EIPR1: variants seen among roughly 807,000 people sequenced by gnomAD.
EIPR1 encodes EARP complex and GARP complex interacting protein 1, also known as EARP and GARP complex-interacting protein 1.
EIPR1 carries 25 observed loss-of-function variants against 48.1 expected under a neutral mutation model. That is an observed-to-expected ratio of 0.52 (90% CI 0.38 to 0.73). The LOEUF is 0.73. EIPR1 is among the 30% of genes least tolerant of loss of function. The pLI, the probability that EIPR1 is intolerant of heterozygous loss-of-function variation, is 0.00. For missense variants in EIPR1, 415 were observed against 506.2 expected (o/e 0.82, Z 1.73); for synonymous variants, 204 against 201.9 (o/e 1.01, Z -0.09).
rs192166808 is a variant in EIPR1 at position 3,349,748 on chromosome 2, C to T, written c.126+4802G>A. 1.6e-4 allele frequency among the ~76,000 whole-genome samples: 25 copies of T among 152,168 alleles called. No individual in the cohort carries two copies. In the East Asian group the frequency reaches 2.1e-3, roughly 13 times the overall value. ...TGGGGACAGGGAGGATGCTGCAAGA[C>T]AGGGCCAGAAAGCACACTGCAAGAT... On this transcript the variant is annotated intron_variant, in intron 2 of 8. Coordinates refer to ENST00000382125, the MANE Select transcript of EIPR1 (RefSeq NM_003310.5).
intron 3 of EIPR1, among the ~76,000 whole-genome samples, chr2:3,306,769 T>A (rs1240438782): frequency 6.6e-6 from 1 of 152,112 alleles, no homozygotes; most frequent in African/African-American, 2.4e-5. Context: ...AGAGGAGGTG[T>A]TGGTCTTGCT....
At chr2:3,220,864 G>A (rs1423873531) in intron 4 of EIPR1, among the ~76,000 whole-genome samples, 10 of 147,040 alleles carry the variant, frequency 6.8e-5, no homozygotes, top group African/African-American at 2.5e-4. Context: ...GTACGCAATG[G>A]CCGAGGTACA....
intron 2 of EIPR1, chr2:3,353,470 G>A: frequency 2.8e-6 from 1 of 358,564 alleles, no homozygotes; most frequent in Non-Finnish European, 5.5e-6. Flanking sequence ...AGTGTAATAA[G>A]GGAATACTAT....
chr2:3,191,343 G>C (rs920503870), intron 8 of EIPR1, among the ~76,000 whole-genome samples: 3 of 150,746 alleles, frequency 2.0e-5, no homozygotes, highest in African/African-American at 7.3e-5. Flanking sequence ...TGGGCCCATC[G>C]CCACTGCAGA....
intron 3 of EIPR1, among the ~76,000 whole-genome samples, chr2:3,284,959 G>A (rs1189358896): frequency 1.3e-5 from 2 of 152,170 alleles, no homozygotes; most frequent in Non-Finnish European, 2.9e-5. Flanking sequence ...CAAGAAAGAA[G>A]AACAGACGTG....
chr2:3,220,644 G>A (rs1045074960), intron 4 of EIPR1, among the ~76,000 whole-genome samples: 2 of 150,424 alleles, frequency 1.3e-5, no homozygotes, highest in Admixed American at 6.6e-5. Context: ...GCACACACGC[G>A]ATTACCATGG....
In EIPR1 at chr2:3,324,389, GT is replaced by G. The variant is rs1246059064; in HGVS notation, c.259+13627del. 5.9e-3 allele frequency among the ~76,000 whole-genome samples: 897 copies of G among 152,342 alleles called. 14 individuals carry two copies. The highest frequency in any genetic ancestry group is 0.021 in the African/African-American group (867 of 41,588). ...TGGCTTTCCCAGCTCCTCCCGGGCA[GT>G]GGCCCAGTGCTTAGACAGTGTCGCT... On this transcript the variant is annotated intron_variant, in intron 3 of 8. Coordinates refer to ENST00000382125, the MANE Select transcript of EIPR1 (RefSeq NM_003310.5).
chr2:3,266,178 A>G (rs1031276639), intron 3 of EIPR1, among the ~76,000 whole-genome samples: 1 of 152,258 alleles, frequency 6.6e-6, no homozygotes, highest in Non-Finnish European at 1.5e-5. Context: ...AGCTCCAGTC[A>G]GCCCGGCTAA....
intron 2 of EIPR1, among the ~76,000 whole-genome samples, chr2:3,341,873 G>A (rs1399657554): frequency 6.6e-6 from 1 of 152,088 alleles, no homozygotes; most frequent in African/African-American, 2.4e-5. Context: ...ATAAAAACTA[G>A]TAACAAATAC....
intron 3 of EIPR1, among the ~76,000 whole-genome samples, chr2:3,287,296 A>G (rs1474511080): frequency 1.2e-5 from 1 of 81,804 alleles, no homozygotes; most frequent in Non-Finnish European, 2.8e-5. Context: ...AAGCTCGTTC[A>G]CCACACTCCA....
chr2:3,300,721 G>C (rs1668739369), intron 3 of EIPR1: 1 of 152,184 alleles, frequency 6.6e-6, no homozygotes, highest in African/African-American at 2.4e-5. Flanking sequence ...GATGATGCTG[G>C]GAAGTCCCGA....
chr2:3,375,711 A>C (rs1421224940), intron 1 of EIPR1, among the ~76,000 whole-genome samples: 4 of 152,234 alleles, frequency 2.6e-5, no homozygotes, highest in Non-Finnish European at 4.4e-5. Context: ...TTACTAGTTA[A>C]GTGGCCTTGG....
At chr2:3,278,380 C>T (rs904217077) in intron 3 of EIPR1, among the ~76,000 whole-genome samples, 2 of 152,222 alleles carry the variant, frequency 1.3e-5, no homozygotes, top group African/African-American at 4.8e-5. Context: ...TACCACTTCT[C>T]TGCAGGAGCC....
rs561899569 is a variant in EIPR1, at chr2:3,218,240, T to A, written c.417-3992A>T. Among the ~76,000 whole-genome samples, 312 of 141,834 alleles carry A rather than the reference T, an allele frequency of 2.2e-3. 13 individuals are homozygous for A. The highest frequency in any genetic ancestry group is 3.0e-3 in the Non-Finnish European group (199 of 65,436). The allele number at this position is 141,834 out of a possible 152,430, so 93.0% of individuals were successfully genotyped here. A position where few individuals can be genotyped will look rare whatever the true frequency, so the allele number is the denominator to read the frequency against. ...GTCAGGTGCACACTCAACACGACCCTGATATGCTCTAGAGCGTTCACAGTG... is the reference window on the plus strand; with the variant it reads ...GTCAGGTGCACACTCAACACGACCCAGATATGCTCTAGAGCGTTCACAGTG... On this transcript the variant is annotated intron_variant, in intron 4 of 8. Coordinates refer to ENST00000382125, the MANE Select transcript of EIPR1 (RefSeq NM_003310.5).
At chr2:3,195,577 T>C (rs1335482058) in intron 6 of EIPR1, among the ~76,000 whole-genome samples, 1 of 152,206 alleles carries the variant, frequency 6.6e-6, no homozygotes, top group African/African-American at 2.4e-5. Context: ...TTTTAAATCT[T>C]TCAAGGGAAA....
chr2:3,296,702 A>G (rs1380651081), intron 3 of EIPR1, among the ~76,000 whole-genome samples: 1 of 149,320 alleles, frequency 6.7e-6, no homozygotes, highest in East Asian at 2.0e-4. Flanking sequence ...CTCTGCCTAC[A>G]GAATCCATCC....
At position 3,240,542 on chromosome 2, in the gene EIPR1, A is replaced by C. The variant is rs1666575639; in HGVS notation, c.416+16757T>G. Among the ~76,000 whole-genome samples, 8 of 149,712 alleles carry C rather than the reference A, an allele frequency of 5.3e-5. No homozygotes were observed. In the South Asian group the frequency reaches 1.5e-3, roughly 28 times the overall value. On this transcript the variant is annotated intron_variant, in intron 4 of 8. Transcript: ENST00000382125. ...AAAGCAAAGCCAGCAGATCCCTCCT[A>C]AAGCAAAGCCAGTAGATCCCTCCTA... is the stretch of plus-strand genomic sequence containing the variant.
chr2:3,263,054 G>A (rs897535958), intron 3 of EIPR1, among the ~76,000 whole-genome samples: 1 of 152,230 alleles, frequency 6.6e-6, no homozygotes, highest in African/African-American at 2.4e-5. Context: ...AGCTGAAGAA[G>A]GAGAAGAGAT....
At chr2:3,210,950 A>G (rs563934570) in intron 5 of EIPR1, among the ~76,000 whole-genome samples, 1 of 152,138 alleles carries the variant, frequency 6.6e-6, no homozygotes, top group Admixed American at 6.5e-5. Flanking sequence ...AGCTCCCACT[A>G]CTAAGTGAGA....
Sources: gnomAD v4.1 joint callset for allele counts (sites outside exome capture counted in the v4.1 genomes callset) on GRCh38, gnomAD v4.1.1 for gene constraint, MANE v1.5 for transcripts, NCBI Gene and HGNC (gene_info 2026-07-23, HGNC 2026-07-21) for gene names.